SOD3: variants seen among roughly 807,000 people sequenced by gnomAD.
The protein encoded by SOD3 is superoxide dismutase 3, also known as extracellular superoxide dismutase [Cu-Zn].
SOD3 carries 3 observed loss-of-function variants against 2.6 expected under a neutral mutation model. The ratio of observed to expected loss-of-function variants is 1.13; its 90% CI spans 0.52 to 2.93. The LOEUF (loss-of-function observed/expected upper bound fraction) is 2.93, where lower values mean the gene tolerates loss of function less well. Ranked by LOEUF, SOD3 falls within the 30% of genes most tolerant of loss-of-function variation. The probability of loss-of-function intolerance (pLI) is 0.04; values close to 1 mark genes in which losing one functional copy is unlikely to be tolerated. For missense variants in SOD3, 379 were observed against 370.4 expected (o/e 1.02, Z -0.19); for synonymous variants, 188 against 177.5 (o/e 1.06, Z -0.47).
Position 24,800,352 on chromosome 4 carries a change from C to A in SOD3, c.*108C>A. 8.5e-7 allele frequency: 1 copy of A among 1,171,882 alleles called. No homozygotes were observed. Among genetic ancestry groups the A allele is most frequent in the Non-Finnish European group, 1.1e-6 (1 of 902,608 alleles). The allele number at this position is 1,171,882 out of a possible 1,614,324, so 72.6% of individuals were successfully genotyped here. On this transcript the variant is annotated 3_prime_UTR_variant, in exon 2 of 2. Transcript: ENST00000382120. ...CTCCACTCTGAGGTCTCACCTTCGC[C>A]TTTGCTGAAGTCTCCCCGCAGCCCT...
Position 24,799,488 on chromosome 4 carries a change from C to T in SOD3, c.-16-18C>T, listed in dbSNP as rs1221133011. ...CTAAGCCTCACTCTGCCCCCACCTC[C>T]GCGGGGGCGTCCCGCAGGTGCCCGA... On this transcript the variant is annotated intron_variant, in intron 1 of 1. Coordinates refer to ENST00000382120, the MANE Select transcript of SOD3 (RefSeq NM_003102.4). 1 of 1,593,370 alleles carries T rather than the reference C, an allele frequency of 6.3e-7. No individual in the cohort carries two copies. The highest frequency in any genetic ancestry group is 8.5e-7 in the Non-Finnish European group (1 of 1,177,378).
At chr4:24,799,415 G>A in intron 1 of SOD3, 91 bp from the exon 2 acceptor site, 1 of 1,442,628 alleles carries the variant, frequency 6.9e-7, no homozygotes, top group Non-Finnish European at 9.2e-7. Flanking sequence ...GGGACTGGGG[G>A]GTTGGTTCTG....
Position 24,800,151 on chromosome 4 carries a change from G to A in SOD3, c.630G>A (p.Val210=). 7.2e-7 allele frequency: 1 copy of A among 1,391,684 alleles called. No individual in the cohort carries two copies. Among genetic ancestry groups the A allele is most frequent in the Non-Finnish European group, 9.2e-7 (1 of 1,083,210 alleles). 86.2% of individuals were successfully genotyped at this position (1,391,684 alleles called of 1,614,324 possible). The change falls in exon 2 of 2, where the codon GTG becomes GTA. Residue 210 remains valine (V), a synonymous_variant. Transcript: ENST00000382120. ...GCCGGCGGCTGGCCTGCTGCGTGGT[G>A]GGCGTGTGCGGGCCCGGGCTCTGGG... is the stretch of plus-strand genomic sequence containing the variant. ...NAGRRLACCV[V]GVCGPGLWER...
chr4:24,799,981 G>C lies in SOD3; in HGVS notation c.460G>C (p.Gly154Arg). 5 of 1,582,854 alleles carry C rather than the reference G, an allele frequency of 3.2e-6. No homozygotes were observed. The highest frequency in any genetic ancestry group is 8.5e-7 in the Non-Finnish European group (1 of 1,172,766). ...GDFGNFAVRD[G>R]SLWRYRAGLA... is the part of the protein sequence containing the mutation. ...CTTCGGCAACTTCGCGGTCCGCGAC[G>C]GCAGCCTCTGGAGGTACCGCGCCGG... is the stretch of plus-strand genomic sequence containing the variant. The change falls in exon 2 of 2, where the codon GGC becomes CGC. Residue 154 changes from glycine to arginine, a missense_variant. Coordinates refer to ENST00000382120, the MANE Select transcript of SOD3 (RefSeq NM_003102.4).
At chr4:24,798,038 CTTTTCTTTT>C (rs1481716981) in intron 1 of SOD3, among the ~76,000 whole-genome samples, 2 of 152,112 alleles carry the variant, frequency 1.3e-5, no homozygotes, top group African/African-American at 4.8e-5. Context: ...TGTCTTCTTT[CTTTTCTTTT>C]CTTTCTTTCC....
At position 24,800,211 on chromosome 4, in the gene SOD3, G is replaced by T; in HGVS notation, c.690G>T (p.Lys230Asn). 1 of 1,432,712 alleles carries T rather than the reference G, an allele frequency of 7.0e-7. No individual in the cohort carries two copies. Among genetic ancestry groups the T allele is most frequent in the Non-Finnish European group, 9.1e-7 (1 of 1,098,646 alleles). The allele number at this position is 1,432,712 out of a possible 1,614,324, so 88.7% of individuals were successfully genotyped here. ...CGCGGGAGCACTCAGAGCGCAAGAA[G>T]CGGCGGCGCGAGAGCGAGTGCAAGG... Reference protein sequence around the residue: ...RQAREHSERKKRRRESECKAA With the variant: ...RQAREHSERKNRRRESECKAA The change falls in exon 2 of 2, where the codon AAG becomes AAT. Residue 230 changes from lysine to asparagine, a missense_variant. Lys to Asn is a moderately conservative substitution (Grantham distance 94, BLOSUM62 0). Coordinates refer to ENST00000382120, the MANE Select transcript of SOD3 (RefSeq NM_003102.4).
At position 24,800,769 on chromosome 4, in the gene SOD3, AC is replaced by A; in HGVS notation, c.*529del. On this transcript the variant is annotated 3_prime_UTR_variant, in exon 2 of 2. Transcript: ENST00000382120. Reference sequence around the variant, plus strand: ...CTTCAGCTGTTTCGCATCCACCGCCACCCCACTGAGAGCTGCTCCTTTGGGG... The same window carrying A: ...CTTCAGCTGTTTCGCATCCACCGCCACCCACTGAGAGCTGCTCCTTTGGGG... 1 of 148,584 alleles carries A rather than the reference AC, an allele frequency of 6.7e-6. No homozygotes were observed. The allele number at this position is 148,584 out of a possible 1,614,324, so 9.2% of individuals were successfully genotyped here.
intron 1 of SOD3, among the ~76,000 whole-genome samples, chr4:24,797,517 C>A (rs964975336): frequency 2.7e-4 from 41 of 152,214 alleles, no homozygotes; most frequent in African/African-American, 9.2e-4. Context: ...TTAAGCCTCG[C>A]AGCAAGCCTC....
Position 24,800,606 on chromosome 4 carries a change from T to G in SOD3, c.*362T>G. On this transcript the variant is annotated 3_prime_UTR_variant, in exon 2 of 2. Transcript: ENST00000382120. ...GCCTTTGACCTGACGATCTTCCCCC[T>G]TCCCGCCTTCAGGTTCCTCCTAGGC... 10 of 179,260 alleles carry G rather than the reference T, an allele frequency of 5.6e-5. No individual in the cohort carries two copies. Among genetic ancestry groups the G allele is most frequent in the East Asian group, 5.0e-4 (3 of 5,956 alleles). 11.1% of individuals were successfully genotyped at this position (179,260 alleles called of 1,614,324 possible).
intron 1 of SOD3, among the ~76,000 whole-genome samples, chr4:24,798,660 A>G (rs922463407): frequency 6.6e-6 from 1 of 152,096 alleles, no homozygotes; most frequent in African/African-American, 2.4e-5. Context: ...AGACTATCTC[A>G]TCACCCACTT....
At position 24,799,493 on chromosome 4, in the gene SOD3, GGGCGTCCCGCAGGT is replaced by G; in HGVS notation, c.-16-11_-14del. 1 of 1,594,646 alleles carries G rather than the reference GGGCGTCCCGCAGGT, an allele frequency of 6.3e-7. No individual in the cohort carries two copies. The highest frequency in any genetic ancestry group is 8.5e-7 in the Non-Finnish European group (1 of 1,177,808). On this transcript the variant is annotated splice_acceptor_variant and splice_polypyrimidine_tract_variant and 5_prime_UTR_variant and intron_variant, in exon 2 of 2. Coordinates refer to ENST00000382120, the MANE Select transcript of SOD3 (RefSeq NM_003102.4). LOFTEE classifies it low-confidence loss of function (5UTR_SPLICE). ...CCTCACTCTGCCCCCACCTCCGCGG[GGGCGTCCCGCAGGT>G]GCCCGACTCCAGCCATGCTGGCGCT...
chr4:24,797,913 T>G (rs1713717944), intron 1 of SOD3, among the ~76,000 whole-genome samples: 1 of 152,204 alleles, frequency 6.6e-6, no homozygotes, highest in South Asian at 2.1e-4. Context: ...GTAAGGAACT[T>G]GAAGCTAAGC....
Position 24,799,756 on chromosome 4 carries a change from A to G in SOD3, c.235A>G (p.Thr79Ala). The G allele has an allele frequency of 6.4e-7, 1 of 1,563,898 alleles. No individual in the cohort carries two copies. The highest frequency in any genetic ancestry group is 8.6e-7 in the Non-Finnish European group (1 of 1,161,080). ...GCTGGACGCCGCGCAGCCCCGGGTG[A>G]CCGGCGTCGTCCTCTTCCGGCAGCT... ...ATLDAAQPRV[T>A]GVVLFRQLAP... Residue 79 changes from threonine to alanine, a missense_variant, in exon 2 of 2, where the codon ACC becomes GCC. Thr to Ala is a moderately conservative substitution (Grantham distance 58). Transcript: ENST00000382120.
chr4:24,797,771 C>A (rs1403091188), intron 1 of SOD3, among the ~76,000 whole-genome samples: 1 of 152,226 alleles, frequency 6.6e-6, no homozygotes, highest in African/African-American at 2.4e-5. Context: ...AGCATATCTA[C>A]CCAATCTTGG....
At position 24,800,762 on chromosome 4, in the gene SOD3, C is replaced by T; in HGVS notation, c.*518C>T. On this transcript the variant is annotated 3_prime_UTR_variant, in exon 2 of 2. Transcript: ENST00000382120. ...CCCGCGTCTTCAGCTGTTTCGCATCCACCGCCACCCCACTGAGAGCTGCTC... is the reference window on the plus strand; with the variant it reads ...CCCGCGTCTTCAGCTGTTTCGCATCTACCGCCACCCCACTGAGAGCTGCTC... 1 of 160,010 alleles carries T rather than the reference C, an allele frequency of 6.2e-6. No homozygotes were observed. The allele number at this position is 160,010 out of a possible 1,614,324, so 9.9% of individuals were successfully genotyped here.
At position 24,799,783 on chromosome 4, in the gene SOD3, G is replaced by A. The variant is rs530126110; in HGVS notation, c.262G>A (p.Ala88Thr). The stretch of plus-strand genomic sequence containing the variant: ...CGGCGTCGTCCTCTTCCGGCAGCTT[G>A]CGCCCCGCGCCAAGCTCGACGCCTT... ...VTGVVLFRQL[A>T]PRAKLDAFFA... The change falls in exon 2 of 2, where the codon GCG becomes ACG. Residue 88 changes from alanine to threonine, a missense_variant. Physicochemically the swap from Ala to Thr is moderately conservative, Grantham distance 58. Transcript: ENST00000382120. 6 of 1,580,578 alleles carry A rather than the reference G, an allele frequency of 3.8e-6. No homozygotes were observed. In the African/African-American group the frequency reaches 5.4e-5, roughly 14 times the overall value.
chr4:24,796,622 ATTTT>A (rs58441391), intron 1 of SOD3, among the ~76,000 whole-genome samples: 9 of 126,156 alleles, frequency 7.1e-5, no homozygotes, highest in East Asian at 2.3e-4. Flanking sequence ...ACACCCAGCT[ATTTT>A]TTTTTTTTTT....
At position 24,800,054 on chromosome 4, in the gene SOD3, T is replaced by C; in HGVS notation, c.533T>C (p.Val178Ala). ...AGPHSIVGRA[V>A]VVHAGEDDLG... is the part of the protein sequence containing the mutation. ...CCGCACTCCATCGTGGGCCGGGCCGTGGTCGTCCACGCTGGCGAGGACGAC... is the reference window on the plus strand; with the variant it reads ...CCGCACTCCATCGTGGGCCGGGCCGCGGTCGTCCACGCTGGCGAGGACGAC... The change falls in exon 2 of 2, where the codon GTG (valine) becomes GCG (alanine). Residue 178 changes from valine to alanine, a missense_variant. Physicochemically the swap from Val to Ala is moderately conservative, Grantham distance 64 (BLOSUM62 0). Transcript: ENST00000382120. The C allele has an allele frequency of 6.8e-7, 1 of 1,465,836 alleles. No homozygotes were observed. Among genetic ancestry groups the C allele is most frequent in the Non-Finnish European group, 8.9e-7 (1 of 1,119,906 alleles). 90.8% of individuals were successfully genotyped at this position (1,465,836 alleles called of 1,614,324 possible). A position where few individuals can be genotyped will look rare whatever the true frequency, so the allele number is the denominator to read the frequency against.
intron 1 of SOD3, among the ~76,000 whole-genome samples, chr4:24,798,367 C>T (rs1271099636): frequency 1.3e-5 from 2 of 152,170 alleles, no homozygotes; most frequent in Non-Finnish European, 2.9e-5. Flanking sequence ...CACTCAGTCT[C>T]TCCTGCTGGG....
Sources: allele counts gnomAD v4.1 joint callset (sites outside exome capture counted in the v4.1 genomes callset), GRCh38; gene constraint gnomAD v4.1.1; transcripts MANE v1.5; gene names NCBI Gene and HGNC (gene_info 2026-07-23, HGNC 2026-07-21).